The following HDAC4 variants were observed in gnomAD, a reference collection of about 807,000 sequenced individuals.
HDAC4 encodes the protein histone deacetylase A.
A neutral mutation model predicts 135.1 loss-of-function variants in HDAC4; 16 were observed. The observed-to-expected ratio is 0.12, with a 90% CI of 0.08 to 0.18. The LOEUF is 0.18. Among genes scored for constraint, HDAC4 ranks in the 10% least tolerant of loss-of-function variants. The pLI is 1.00. For synonymous variants in HDAC4, 685 were observed against 653.4 expected, an observed-to-expected ratio of 1.05 and a Z score of -0.74; for missense variants, 1,143 against 1,511.8, an observed-to-expected ratio of 0.76 and a Z score of 4.05.
chr2:239,248,746 A>T (rs755562884), intron 2 of HDAC4, among the ~76,000 whole-genome samples: 25 of 152,198 alleles, frequency 1.6e-4, no homozygotes, highest in Non-Finnish European at 3.5e-4. Flanking sequence ...ATTTTAAAGA[A>T]GCCAGGGAGA....
intron 2 of HDAC4, among the ~76,000 whole-genome samples, chr2:239,263,197 G>C (rs1176365470): frequency 6.6e-6 from 1 of 152,110 alleles, no homozygotes; most frequent in Non-Finnish European, 1.5e-5. Flanking sequence ...CCAGAGGTCA[G>C]AATGGCTCCA....
chr2:239,366,775 C>A (rs6756485), intron 1 of HDAC4, among the ~76,000 whole-genome samples: 11,016 of 148,726 alleles, frequency 0.074, 1,342 homozygotes, highest in African/African-American at 0.21. Context: ...GGGTCCCAGG[C>A]AGATGGCTGC....
rs1352555551 is a variant in HDAC4 at position 239,307,787 on chromosome 2, C to T, written c.22+44891G>A. ...ATGGAATGAGGATGTCGGAGTGTTT[C>T]GTGCTTTCTTTCCAGAGGGTTTCCC... On this transcript the variant is annotated intron_variant, in intron 2 of 26. Coordinates refer to ENST00000543185, the MANE Select transcript of HDAC4 (RefSeq NM_001378414.1). This position sits in a 1 kb window ranked among gnomAD's most constrained non-coding sequence, Gnocchi z 4.8. Among the ~76,000 whole-genome samples the T allele has an allele frequency of 6.6e-6, 1 of 152,182 alleles. No individual in the cohort carries two copies. The highest frequency in any genetic ancestry group is 1.5e-5 in the Non-Finnish European group (1 of 68,038).
chr2:239,238,715 T>C (rs2048023543), intron 2 of HDAC4, among the ~76,000 whole-genome samples: 1 of 152,196 alleles, frequency 6.6e-6, no homozygotes. Flanking sequence ...AGTTCATACA[T>C]GAGGCCTAAT....
chr2:239,364,323 A>G (rs1694038930), intron 1 of HDAC4, among the ~76,000 whole-genome samples: 1 of 152,266 alleles, frequency 6.6e-6, no homozygotes, highest in Non-Finnish European at 1.5e-5. Context: ...TGATGTCATC[A>G]TACCACAGAA....
intron 1 of HDAC4, among the ~76,000 whole-genome samples, chr2:239,385,457 C>A (rs1475321511): frequency 2.0e-5 from 3 of 152,240 alleles, no homozygotes; most frequent in African/African-American, 4.8e-5. Flanking sequence ...CCACCCGGCT[C>A]CCTGTTGGTG....
intron 5 of HDAC4, among the ~76,000 whole-genome samples, chr2:239,169,327 C>T (rs2043305174): frequency 6.6e-6 from 1 of 152,224 alleles, no homozygotes; most frequent in Non-Finnish European, 1.5e-5. Flanking sequence ...GTGCTTGGGC[C>T]CGTGGCGCAC....
At chr2:239,109,915 C>T (rs542241451) in intron 14 of HDAC4, among the ~76,000 whole-genome samples, 1 of 152,320 alleles carries the variant, frequency 6.6e-6, no homozygotes, top group East Asian at 1.9e-4. Flanking sequence ...TGCTTTACTG[C>T]CTTTACAGAC....
intron 18 of HDAC4, 102 bp from the exon 19 acceptor site, chr2:239,087,716 CAGG>C (rs1401711501): frequency 3.7e-6 from 4 of 1,076,200 alleles, no homozygotes; most frequent in South Asian, 1.3e-5. Context: ...TTGGGCTACA[CAGG>C]AGGACAGTTT....
intron 1 of HDAC4, among the ~76,000 whole-genome samples, chr2:239,371,853 A>T (rs1694645441): frequency 6.6e-6 from 1 of 152,252 alleles, no homozygotes; most frequent in Non-Finnish European, 1.5e-5. Flanking sequence ...TGTATTGTTA[A>T]ATCGGAATCA....
At chr2:239,261,553 T>C in intron 2 of HDAC4, among the ~76,000 whole-genome samples, 1 of 152,188 alleles carries the variant, frequency 6.6e-6, no homozygotes, top group Non-Finnish European at 1.5e-5. Context: ...GGCATCTTAC[T>C]AGCCTGCCAG....
chr2:239,072,421 G>C (rs910122916), intron 22 of HDAC4, among the ~76,000 whole-genome samples: 2 of 152,314 alleles, frequency 1.3e-5, no homozygotes, highest in African/African-American at 4.8e-5. Flanking sequence ...TGTGTGAGTA[G>C]GTCCATGTTT....
At chr2:239,131,968 C>T (rs1361430039) in intron 11 of HDAC4, among the ~76,000 whole-genome samples, 5 of 152,166 alleles carry the variant, frequency 3.3e-5, no homozygotes, top group Non-Finnish European at 7.3e-5. Context: ...GAGGAACCTG[C>T]ACAGGAGGCT....
At chr2:239,053,931 C>T (rs1385619824) in intron 25 of HDAC4, among the ~76,000 whole-genome samples, 1 of 152,062 alleles carries the variant, frequency 6.6e-6, no homozygotes, top group Non-Finnish European at 1.5e-5. Context: ...GGGCAGGGGG[C>T]TGCCAGCCTG....
At chr2:239,127,958 G>A (rs775855771) in intron 11 of HDAC4, among the ~76,000 whole-genome samples, 8 of 152,178 alleles carry the variant, frequency 5.3e-5, no homozygotes, top group Non-Finnish European at 1.2e-4. Context: ...CTTTGCAGGG[G>A]CTATTTCTAA....
intron 2 of HDAC4, among the ~76,000 whole-genome samples, chr2:239,350,168 A>G (rs1401870877): frequency 6.6e-6 from 1 of 152,202 alleles, no homozygotes; most frequent in Admixed American, 6.5e-5. Context: ...ATACCTCATG[A>G]AACACTATAA....
At chr2:239,207,984 T>C (rs879064384) in intron 3 of HDAC4, among the ~76,000 whole-genome samples, 1 of 152,100 alleles carries the variant, frequency 6.6e-6, no homozygotes, top group African/African-American at 2.4e-5. Flanking sequence ...TAATAGTCTA[T>C]AGAAAAGACA....
chr2:239,295,702 C>A (rs1451176390), intron 2 of HDAC4, among the ~76,000 whole-genome samples: 1 of 152,190 alleles, frequency 6.6e-6, no homozygotes. Context: ...TTACCATTCC[C>A]GTTCAGTTTC....
At chr2:239,322,009 A>G (rs1046798859) in intron 2 of HDAC4, among the ~76,000 whole-genome samples, 8 of 152,390 alleles carry the variant, frequency 5.2e-5, no homozygotes, top group Admixed American at 5.2e-4. Flanking sequence ...ACAGAGCAGG[A>G]GCAAGCTCCA....
Sources: gnomAD v4.1 joint callset for allele counts (sites outside exome capture counted in the v4.1 genomes callset) on GRCh38, gnomAD v4.1.1 for gene constraint, Gnocchi (gnomAD v3.1) non-coding constraint, MANE v1.5 for transcripts, NCBI Gene and HGNC (gene_info 2026-07-23, HGNC 2026-07-21) for gene names.